The following U2SURP variants were observed in gnomAD, a reference collection of about 807,000 sequenced individuals.
U2SURP encodes the protein U2 snRNP-associated SURP motif-containing protein.
Under a neutral mutation model 144.9 loss-of-function variants are expected in U2SURP, and 9 were observed. The ratio of observed to expected loss-of-function variants is 0.06; its 90% CI spans 0.04 to 0.11. U2SURP has a LOEUF of 0.11. U2SURP is among the 10% of genes least tolerant of loss of function. The pLI, the probability that U2SURP is intolerant of heterozygous loss-of-function variation, is 1.00. For missense variants in U2SURP, 724 were observed against 1,226.7 expected (o/e 0.59, Z 6.12); for synonymous variants, 408 against 396.8 (o/e 1.03, Z -0.33).
chr3:143,031,367 G>A (rs78742368), intron 16 of U2SURP, among the ~76,000 whole-genome samples: 6,598 of 119,244 alleles, frequency 0.055, 417 homozygotes, highest in African/African-American at 0.2. Context: ...CAGTTGATGC[G>A]GTAAACTTTA....
rs1231811193 is a variant in U2SURP at position 143,023,018 on chromosome 3, A to G, written c.1184A>G (p.Asn395Ser). The change falls in exon 12 of 28, where the codon AAT becomes AGT. Residue 395 changes from asparagine to serine, a missense_variant. This residue lies in a region of U2SURP where 64 missense variants were observed against 164.1 expected (regional missense o/e 0.39). Coordinates refer to ENST00000473835, the MANE Select transcript of U2SURP (RefSeq NM_001080415.2). ...CCTAGAGAGCGGTTAAAAAACCCTA[A>G]TGCTCCTATGTTACCGCCACCTAAA... Reference protein sequence around the residue: ...AQPRERLKNPNAPMLPPPKNK... With the variant: ...AQPRERLKNPSAPMLPPPKNK... 6.2e-7 allele frequency: 1 copy of G among 1,610,776 alleles called. No homozygotes were observed. The highest frequency in any genetic ancestry group is 2.2e-5 in the East Asian group (1 of 44,834).
At chr3:143,003,590 G>A (rs1338832680) in intron 1 of U2SURP, among the ~76,000 whole-genome samples, 1 of 151,212 alleles carries the variant, frequency 6.6e-6, no homozygotes, top group Admixed American at 6.6e-5. Context: ...CAAAATGTCA[G>A]GATAAATTTT....
At chr3:143,006,478 G>A (rs1429419704) in intron 1 of U2SURP, among the ~76,000 whole-genome samples, 4 of 152,078 alleles carry the variant, frequency 2.6e-5, no homozygotes, top group East Asian at 1.9e-4. Context: ...TTTAGCGGCC[G>A]GGCACAGTGC....
Position 143,053,740 on chromosome 3 carries a change from C to A in U2SURP, c.2720C>A (p.Ser907Tyr), listed in dbSNP as rs964456045. The change falls in exon 26 of 28, where the codon TCT becomes TAT. Residue 907 changes from serine (S) to tyrosine (Y), a missense_variant. Ser to Tyr is a moderately radical substitution (Grantham distance 144). Transcript: ENST00000473835. ...RDKKDKEKLE[S>Y]RSKDKKEKDE... The stretch of plus-strand genomic sequence containing the variant: ...AAGAAAGATAAAGAAAAATTGGAAT[C>A]TCGCTCCAAAGACAAGAAGGAAAAA... The A allele has an allele frequency of 3.1e-6, 5 of 1,608,940 alleles. No individual in the cohort carries two copies. The highest frequency in any genetic ancestry group is 4.2e-6 in the Non-Finnish European group (5 of 1,177,602).
At chr3:143,051,105 C>T in intron 25 of U2SURP, 56 bp downstream of exon 25, 1 of 1,061,896 alleles carries the variant, frequency 9.4e-7, no homozygotes, top group East Asian at 2.6e-5. Flanking sequence ...TATTTGACTT[C>T]CTAGAATACT....
At chr3:143,048,553 C>A (rs1004108709) in intron 24 of U2SURP, among the ~76,000 whole-genome samples, 1 of 152,116 alleles carries the variant, frequency 6.6e-6, no homozygotes, top group Admixed American at 6.5e-5. Flanking sequence ...AAAATGTAGA[C>A]TTTTAGAGAG....
intron 1 of U2SURP, among the ~76,000 whole-genome samples, chr3:143,001,910 G>T (rs1935551496): frequency 6.6e-6 from 1 of 152,210 alleles, no homozygotes; most frequent in Admixed American, 6.5e-5. Flanking sequence ...TGAGTGCTTC[G>T]GCCCGCGCTT....
At chr3:143,024,377 A>G (rs1054065595) in intron 13 of U2SURP, 2 of 367,996 alleles carry the variant, frequency 5.4e-6, no homozygotes, top group African/African-American at 2.1e-5. Context: ...ATCTGTTGTT[A>G]TTTTTTTCTT....
At chr3:143,032,756 T>C (rs1444196566) in intron 16 of U2SURP, 28 bp from the exon 17 acceptor site, 1 of 1,580,870 alleles carries the variant, frequency 6.3e-7, no homozygotes, top group Non-Finnish European at 8.6e-7. Context: ...TATCTAAATA[T>C]TTATAAGTTA....
rs1294722103 is a variant in U2SURP, at chr3:143,060,720, G to A, written c.*4270G>A. Among the ~76,000 whole-genome samples the A allele has an allele frequency of 6.6e-6, 1 of 151,896 alleles. No individual in the cohort carries two copies. Among genetic ancestry groups the A allele is most frequent in the African/African-American group, 2.4e-5 (1 of 41,408 alleles). Reference sequence around the variant, plus strand: ...ACTATAATCATATGTTTTCATGCTAGATGGTTCTCTTGGTTAGGAAAGTTC... The same window carrying A: ...ACTATAATCATATGTTTTCATGCTAAATGGTTCTCTTGGTTAGGAAAGTTC... On this transcript the variant is annotated 3_prime_UTR_variant, in exon 28 of 28. Coordinates refer to ENST00000473835, the MANE Select transcript of U2SURP (RefSeq NM_001080415.2).
chr3:143,016,177 A>G (rs1936363983), intron 4 of U2SURP, 80 bp from the exon 5 acceptor site: 3 of 1,286,662 alleles, frequency 2.3e-6, no homozygotes, highest in Non-Finnish European at 3.4e-6. Flanking sequence ...TTTCGTCCAT[A>G]TTATTCCTTG....
intron 14 of U2SURP, among the ~76,000 whole-genome samples, chr3:143,027,529 A>G (rs892364495): frequency 1.3e-5 from 2 of 152,192 alleles, no homozygotes; most frequent in African/African-American, 4.8e-5. Flanking sequence ...ACATGAGTAT[A>G]ATCATACAAT....
Position 143,001,604 on chromosome 3 carries a change from C to G in U2SURP, c.-25C>G. On this transcript the variant is annotated 5_prime_UTR_variant, in exon 1 of 28. Transcript: ENST00000473835. ...CTCGACTCGCCCGTGCTGCTGCCGCCGCCGAAGGAGGGGCAAAGCTCAAGA... is the reference window on the plus strand; with the variant it reads ...CTCGACTCGCCCGTGCTGCTGCCGCGGCCGAAGGAGGGGCAAAGCTCAAGA... 1 of 1,613,648 alleles carries G rather than the reference C, an allele frequency of 6.2e-7. No homozygotes were observed. Among genetic ancestry groups the G allele is most frequent in the African/African-American group, 1.3e-5 (1 of 75,036 alleles).
At chr3:143,017,646 A>G (rs954899750) in intron 6 of U2SURP, among the ~76,000 whole-genome samples, 1 of 150,940 alleles carries the variant, frequency 6.6e-6, no homozygotes, top group African/African-American at 2.4e-5. Flanking sequence ...TTTTTTTGAG[A>G]CAGTCTCTCT....
At chr3:143,046,909 C>T (rs1232303301) in intron 24 of U2SURP, among the ~76,000 whole-genome samples, 96 of 120,964 alleles carry the variant, frequency 7.9e-4, no homozygotes, top group African/African-American at 3.2e-3. Flanking sequence ...GCAGAGGCGC[C>T]GCTCACCTCC....
At chr3:143,038,235 T>G (rs189087139) in intron 22 of U2SURP, 32 bp downstream of exon 22, 2 of 1,481,108 alleles carry the variant, frequency 1.4e-6, no homozygotes, top group East Asian at 2.5e-5. Flanking sequence ...ATTTTTTAAA[T>G]TAAGTACTTG....
chr3:143,023,424 T>C (rs867499053), intron 12 of U2SURP: 14 of 182,574 alleles, frequency 7.7e-5, no homozygotes, highest in Middle Eastern at 2.4e-3. Context: ...TAAGTAGTTA[T>C]TGTTTGGATG....
intron 24 of U2SURP, among the ~76,000 whole-genome samples, chr3:143,046,991 C>CG (rs1201307907): frequency 7.1e-5 from 6 of 84,854 alleles, no homozygotes; most frequent in Admixed American, 7.1e-4. Flanking sequence ...GCTGGCCGGG[C>CG]GGGGGGCTGA....
chr3:143,018,860 G>A (rs1936503737), intron 6 of U2SURP, among the ~76,000 whole-genome samples: 1 of 152,144 alleles, frequency 6.6e-6, no homozygotes, highest in Non-Finnish European at 1.5e-5. Context: ...GGGAGGCAGA[G>A]GTTGTGGTGA....
Sources: gnomAD v4.1 joint callset for allele counts (sites outside exome capture counted in the v4.1 genomes callset) on GRCh38, gnomAD v4.1.1 for gene constraint, gnomAD v4.1.1 regional missense constraint, MANE v1.5 for transcripts, NCBI Gene and HGNC (gene_info 2026-07-23, HGNC 2026-07-21) for gene names.